SLC9A7: variants seen among roughly 807,000 people sequenced by gnomAD.
The protein encoded by SLC9A7 is sodium/hydrogen exchanger 7.
Under a neutral mutation model 52.6 loss-of-function variants are expected in SLC9A7, and 19 were observed. That is an observed-to-expected ratio of 0.36 (90% confidence interval 0.25 to 0.53). The LOEUF (loss-of-function observed/expected upper bound fraction) is 0.53, where lower values mean the gene tolerates loss of function less well. Among genes scored for constraint, SLC9A7 ranks in the 20% least tolerant of loss-of-function variants. The pLI, the probability that SLC9A7 is intolerant of heterozygous loss-of-function variation, is 0.91. For synonymous variants in SLC9A7, 226 were observed against 252.1 expected (o/e 0.90, Z 0.98); for missense variants, 455 against 597.9 (o/e 0.76, Z 2.49).
At chrX:46,619,158 C>G (rs1433282215) in intron 15 of SLC9A7, among the ~76,000 whole-genome samples, 4 of 111,671 alleles carry the variant, frequency 3.6e-5, no homozygotes, top group Non-Finnish European at 7.5e-5. Context: ...TGCAAAGGTG[C>G]TCAACCCTAT....
chrX:46,726,444 A>G (rs1238085776), intron 1 of SLC9A7, among the ~76,000 whole-genome samples: 1 of 111,253 alleles, frequency 9.0e-6, no homozygotes, highest in Non-Finnish European at 1.9e-5. Flanking sequence ...TCTTCCCCAG[A>G]CCATGTGCCA....
In SLC9A7 at chrX:46,725,240, C is replaced by T. The variant is rs878920097; in HGVS notation, c.325+33465G>A. On this transcript the variant is annotated intron_variant, in intron 1 of 16. Coordinates refer to ENST00000616978, the MANE Select transcript of SLC9A7 (RefSeq NM_001257291.2). ...TTTTCGTATCAGTGGGAACACCTTCCGGAATTGCAGGTGCAGATGCTGTCT... is the reference window on the plus strand; with the variant it reads ...TTTTCGTATCAGTGGGAACACCTTCTGGAATTGCAGGTGCAGATGCTGTCT... 1.6e-5 allele frequency: 18 copies of T among 1,095,881 alleles called. No individual in the cohort carries two copies. In the South Asian group the frequency reaches 2.0e-4, roughly 12 times the overall value. The allele number at this position is 1,095,881 out of a possible 1,213,427, so 90.3% of individuals were successfully genotyped here. A position where few individuals can be genotyped will look rare whatever the true frequency, so the allele number is the denominator to read the frequency against.
chrX:46,748,360 AAAGAAAGG>A (rs766944741), intron 1 of SLC9A7, among the ~76,000 whole-genome samples: 10,855 of 49,270 alleles, frequency 0.22, 941 homozygotes, highest in Non-Finnish European at 0.31. Context: ...AAAAAAAAAG[AAAGAAAGG>A]AAGGAAGGAA....
At chrX:46,620,940 G>A (rs745444490) in intron 15 of SLC9A7, 37 bp downstream of exon 15, 1 of 1,021,918 alleles carries the variant, frequency 9.8e-7, no homozygotes, top group Non-Finnish European at 1.4e-6. Context: ...CATCCCCAAT[G>A]TTTCACCGAC....
intron 1 of SLC9A7, among the ~76,000 whole-genome samples, chrX:46,746,696 T>C (rs1921807918): frequency 8.9e-6 from 1 of 112,266 alleles, no homozygotes; most frequent in South Asian, 3.7e-4. Flanking sequence ...TTGGTGGGAA[T>C]GTATATTAAT....
intron 4 of SLC9A7, among the ~76,000 whole-genome samples, chrX:46,670,669 G>C (rs757995466): frequency 9.0e-5 from 10 of 111,653 alleles, no homozygotes; most frequent in Non-Finnish European, 1.9e-4. Flanking sequence ...TGCTTAGAAG[G>C]GTGGACTAGC....
Position 46,669,630 on chromosome X carries a change from G to C in SLC9A7, c.770C>G (p.Ala257Gly). Residue 257 changes from alanine to glycine, a missense_variant, in exon 5 of 17, where the codon GCA becomes GGA. Ala to Gly is a moderately conservative substitution (Grantham distance 60, BLOSUM62 0). Around this residue, in one of 3 missense-constraint regions of SLC9A7, gnomAD observed 304 missense variants for 417.8 expected, o/e 0.73. Coordinates refer to ENST00000616978, the MANE Select transcript of SLC9A7 (RefSeq NM_001257291.2). ...FYYTDCLFFGAIISATDPVTV... is the reference protein window; with the variant it reads ...FYYTDCLFFGGIISATDPVTV... ...ACCTGGGTCAGTGGCAGAGATGATTGCTCCAAAAAAGAGACAATCTGTGTA... is the reference window on the plus strand; with the variant it reads ...ACCTGGGTCAGTGGCAGAGATGATTCCTCCAAAAAAGAGACAATCTGTGTA... 8.5e-7 allele frequency: 1 copy of C among 1,175,306 alleles called. No homozygotes were observed. The highest frequency in any genetic ancestry group is 1.1e-6 in the Non-Finnish European group (1 of 872,808).
chrX:46,681,407 G>C (rs186049624), intron 2 of SLC9A7, among the ~76,000 whole-genome samples: 64 of 112,520 alleles, frequency 5.7e-4, no homozygotes, highest in African/African-American at 2.0e-3. Flanking sequence ...CTTATGAAGA[G>C]TTGAGAGCAA....
In SLC9A7 at chrX:46,604,713, T is replaced by A. The variant is rs930509007; in HGVS notation, c.*2239A>T. ...TCCCAAAGTGTTGGGATTACAGGCA[T>A]AAGCCACTGTGCCCGGTCTCAATTT... On this transcript the variant is annotated 3_prime_UTR_variant, in exon 17 of 17. Transcript: ENST00000616978. The A allele has an allele frequency of 8.9e-6, 1 of 112,497 alleles. No individual in the cohort carries two copies. The highest frequency in any genetic ancestry group is 3.2e-5 in the African/African-American group (1 of 30,972). 9.3% of individuals were successfully genotyped at this position (112,497 alleles called of 1,213,427 possible).
chrX:46,656,338 G>T (rs1943690097), intron 7 of SLC9A7, among the ~76,000 whole-genome samples: 1 of 112,284 alleles, frequency 8.9e-6, no homozygotes, highest in African/African-American at 3.2e-5. Context: ...AAGGAACGCA[G>T]CTCCTCACCA....
intron 7 of SLC9A7, among the ~76,000 whole-genome samples, chrX:46,654,982 CTTTTTTT>C (rs60881484): frequency 2.8e-4 from 23 of 83,602 alleles, no homozygotes; most frequent in South Asian, 1.1e-3. Flanking sequence ...TTCTTTCTTT[CTTTTTTT>C]TTTTTTTTTT....
chrX:46,689,531 T>C (rs900405062), intron 1 of SLC9A7, among the ~76,000 whole-genome samples: 2 of 110,992 alleles, frequency 1.8e-5, no homozygotes, highest in African/African-American at 6.6e-5. Flanking sequence ...TGCTCGGTCA[T>C]ATGTGCAGCA....
At chrX:46,632,151 A>G (rs1343554247) in intron 13 of SLC9A7, among the ~76,000 whole-genome samples, 2 of 112,128 alleles carry the variant, frequency 1.8e-5, no homozygotes, top group Non-Finnish European at 3.8e-5. Flanking sequence ...TATATTCCTT[A>G]TTACCTATCT....
intron 1 of SLC9A7, among the ~76,000 whole-genome samples, chrX:46,688,938 A>G (rs1472457361): frequency 9.0e-6 from 1 of 110,851 alleles, no homozygotes; most frequent in Non-Finnish European, 1.9e-5. Flanking sequence ...TCTATGACCT[A>G]TATTTTTCCT....
intron 1 of SLC9A7, among the ~76,000 whole-genome samples, chrX:46,692,767 G>A (rs1944397780): frequency 9.0e-6 from 1 of 111,415 alleles, no homozygotes; most frequent in Admixed American, 9.6e-5. Flanking sequence ...TTCTTACCAT[G>A]ATATTATACA....
chrX:46,706,550 G>T (rs1315107599), intron 1 of SLC9A7, among the ~76,000 whole-genome samples: 1 of 110,680 alleles, frequency 9.0e-6, no homozygotes, highest in African/African-American at 3.3e-5. Context: ...TTCTCCCATG[G>T]TGTTCCACAA....
intron 14 of SLC9A7, 67 bp from the exon 15 acceptor site, chrX:46,621,126 AC>A: frequency 2.8e-6 from 2 of 705,937 alleles, no homozygotes; most frequent in Non-Finnish European, 4.3e-6. Context: ...GGGAAAAAAA[AC>A]CTTTTTTAAT....
At chrX:46,649,410 G>A (rs1349144613) in intron 10 of SLC9A7, among the ~76,000 whole-genome samples, 1 of 112,400 alleles carries the variant, frequency 8.9e-6, no homozygotes, top group Non-Finnish European at 1.9e-5. Flanking sequence ...TGAACCCAGG[G>A]AGATATTTCT....
At chrX:46,610,163 A>C (rs368344717) in intron 16 of SLC9A7, among the ~76,000 whole-genome samples, 11 of 112,907 alleles carry the variant, frequency 9.7e-5, no homozygotes, top group African/African-American at 3.2e-4. Flanking sequence ...CTGAAGGTCT[A>C]TATAATCATG....
Sources: allele counts gnomAD v4.1 joint callset (sites outside exome capture counted in the v4.1 genomes callset), GRCh38; gene constraint gnomAD v4.1.1; regional missense constraint gnomAD v4.1.1; transcripts MANE v1.5; gene names NCBI Gene and HGNC (gene_info 2026-07-23, HGNC 2026-07-21).